Variants in CPXM1 observed in about 807,000 individuals in gnomAD.
CPXM1 encodes carboxypeptidase X, M14 family member 1.
CPXM1 carries 72 observed loss-of-function variants against 80.4 expected under a neutral mutation model. The observed-to-expected ratio is 0.90, with a 90% confidence interval of 0.74 to 1.09. CPXM1 has a LOEUF of 1.09. Among genes scored for constraint, CPXM1 ranks in the 50% least tolerant of loss-of-function variants. The pLI is 0.00. For synonymous variants in CPXM1, 403 were observed against 405.6 expected, an observed-to-expected ratio of 0.99 and a Z score of 0.08; for missense variants, 892 against 999.4, an observed-to-expected ratio of 0.89 and a Z score of 1.45.
In CPXM1 at chr20:2,795,831, G is replaced by C. The variant is rs376564008; in HGVS notation, c.1488C>G (p.Asn496Lys). The C allele has an allele frequency of 5.0e-6, 8 of 1,611,896 alleles. No homozygotes were observed. Among genetic ancestry groups the C allele is most frequent in the African/African-American group, 1.3e-5 (1 of 74,928 alleles). The change falls in exon 11 of 14, where the codon AAC (asparagine) becomes AAG (lysine). Residue 496 changes from asparagine to lysine, a missense_variant. Transcript: ENST00000380605. The surrounding 1 kb of genome is among the most constrained non-coding windows in gnomAD (Gnocchi z 5.4). ...MKRIPFVLSANLHGGELVVSY... is the reference protein window; with the variant it reads ...MKRIPFVLSAKLHGGELVVSY... ...ACACCACGAGCTCACCCCCGTGGAGGTTGGCACTTAGCACAAAGGGGATCC... is the reference window on the plus strand; with the variant it reads ...ACACCACGAGCTCACCCCCGTGGAGCTTGGCACTTAGCACAAAGGGGATCC...
rs1349949621 is a variant in CPXM1, at chr20:2,794,775, G to C, written c.1861-136C>G. 1 of 596,868 alleles carries C rather than the reference G, an allele frequency of 1.7e-6. No homozygotes were observed. Among genetic ancestry groups the C allele is most frequent in the African/African-American group, 2.0e-5 (1 of 50,712 alleles). The allele number at this position is 596,868 out of a possible 1,614,324, so 37.0% of individuals were successfully genotyped here. On this transcript the variant is annotated intron_variant, in intron 12 of 13. Transcript: ENST00000380605. The surrounding 1 kb of genome is among the most constrained non-coding windows in gnomAD (Gnocchi z 5.2). ...TGTGTTCCTAGGTGACACTACTTCT[G>C]GAAGAAAAAAAAAAAAGAAATCCTG... is the stretch of plus-strand genomic sequence containing the variant.
chr20:2,798,777 C>T lies in CPXM1; in HGVS notation c.289G>A (p.Val97Met). 6.2e-7 allele frequency: 1 copy of T among 1,613,876 alleles called. No individual in the cohort carries two copies. The highest frequency in any genetic ancestry group is 8.5e-7 in the Non-Finnish European group (1 of 1,179,982). The change falls in exon 2 of 14, where the codon GTG becomes ATG. Residue 97 changes from valine to methionine, a missense_variant. Physicochemically the swap from Val to Met is conservative, Grantham distance 21. Around this residue, in one of 2 missense-constraint regions of CPXM1, gnomAD observed 874 missense variants for 958.4 expected, o/e 0.91. Transcript: ENST00000380605. ...PTPLVTAGPL[V>M]TPTPAGTLDP... ...AGGGTCCCTGCTGGAGTGGGGGTCA[C>T]AAGGGGCCCGGCAGTCACCAGTGGG...
Position 2,796,793 on chromosome 20 carries a change from G to T in CPXM1, c.922-143C>A. The T allele has an allele frequency of 7.9e-7, 1 of 1,268,496 alleles. No individual in the cohort carries two copies. The highest frequency in any genetic ancestry group is 1.1e-6 in the Non-Finnish European group (1 of 918,470). 78.6% of individuals were successfully genotyped at this position (1,268,496 alleles called of 1,614,324 possible). ...ATCATGGTACAGGAGGGGAGCGGCAGCAGAGCCGGGAGGAAGGGGTAGGAC... is the reference window on the plus strand; with the variant it reads ...ATCATGGTACAGGAGGGGAGCGGCATCAGAGCCGGGAGGAAGGGGTAGGAC... On this transcript the variant is annotated intron_variant, in intron 7 of 13. Coordinates refer to ENST00000380605, the MANE Select transcript of CPXM1 (RefSeq NM_019609.5). This position sits in a 1 kb window ranked among gnomAD's most constrained non-coding sequence, Gnocchi z 6.8.
chr20:2,796,676 T>C lies in CPXM1; in HGVS notation c.922-26A>G, dbSNP rs768875938. The C allele has an allele frequency of 2.5e-6, 4 of 1,612,924 alleles. No homozygotes were observed. The highest frequency in any genetic ancestry group is 1.7e-6 in the Non-Finnish European group (2 of 1,179,294). On this transcript the variant is annotated intron_variant, in intron 7 of 13. Coordinates refer to ENST00000380605, the MANE Select transcript of CPXM1 (RefSeq NM_019609.5). The surrounding 1 kb of genome is among the most constrained non-coding windows in gnomAD (Gnocchi z 6.8). ...CTGGTGGGCAGAGTGTAGCGTGGCA[T>C]GAGGCATGGGAGGGGTACACCCAGG...
chr20:2,795,530 G>T lies in CPXM1; in HGVS notation c.1720+69C>A. On this transcript the variant is annotated intron_variant, in intron 11 of 13. Coordinates refer to ENST00000380605, the MANE Select transcript of CPXM1 (RefSeq NM_019609.5). This position sits in a 1 kb window ranked among gnomAD's most constrained non-coding sequence, Gnocchi z 5.4. ...GTGGGAACAGACGCCAGCACTGTAC[G>T]CAACCGCAGGCTGTCTTATCAGGGC... The T allele has an allele frequency of 6.3e-7, 1 of 1,587,060 alleles. No individual in the cohort carries two copies. The highest frequency in any genetic ancestry group is 8.6e-7 in the Non-Finnish European group (1 of 1,163,350).
Position 2,796,888 on chromosome 20 carries a change from C to T in CPXM1, c.921+118G>A. On this transcript the variant is annotated intron_variant, in intron 7 of 13. Transcript: ENST00000380605. The surrounding 1 kb of genome is among the most constrained non-coding windows in gnomAD (Gnocchi z 6.8). The stretch of plus-strand genomic sequence containing the variant: ...TCCACAGGAGAGAAGGCTGAGACAT[C>T]AGGAGGCAGCAGGGGCATACAAGCG... 2 of 1,054,044 alleles carry T rather than the reference C, an allele frequency of 1.9e-6. No individual in the cohort carries two copies. Among genetic ancestry groups the T allele is most frequent in the Non-Finnish European group, 2.8e-6 (2 of 702,272 alleles). 65.3% of individuals were successfully genotyped at this position (1,054,044 alleles called of 1,614,324 possible). A position where few individuals can be genotyped will look rare whatever the true frequency, so the allele number is the denominator to read the frequency against.
intron 1 of CPXM1, among the ~76,000 whole-genome samples, chr20:2,799,798 C>A (rs964623408): frequency 1.3e-5 from 2 of 152,192 alleles, no homozygotes; most frequent in African/African-American, 2.4e-5. Flanking sequence ...GCAGCCTCAG[C>A]GAGGGGCTCT....
chr20:2,798,446 T>C lies in CPXM1; in HGVS notation c.432A>G (p.Arg144=), dbSNP rs529403651. The C allele has an allele frequency of 6.2e-7, 1 of 1,613,794 alleles. No homozygotes were observed. The highest frequency in any genetic ancestry group is 1.3e-5 in the African/African-American group (1 of 74,952). The change falls in exon 3 of 14, where the codon CGA becomes CGG. Residue 144 remains arginine, a synonymous_variant. Transcript: ENST00000380605. ...TACTGACCTGAATGTTGAGCCGTCC[T>C]CGGTGTGGTCCAAGACCAAAGGACT... ...SSQSFGLGPH[R]GRLNIQSGLE...
chr20:2,795,982 G>A lies in CPXM1; in HGVS notation c.1422C>T (p.Thr474=), dbSNP rs764676972. 23 of 1,605,672 alleles carry A rather than the reference G, an allele frequency of 1.4e-5. No homozygotes were observed. Among genetic ancestry groups the A allele is most frequent in the African/African-American group, 8.0e-5 (6 of 74,840 alleles). ...LPTYYTLPNA[T]VAPETRAVIK... is the part of the protein sequence containing the mutation. ...CCACTGCCGCCCTCAAAATACTCACGGTGGCATTGGGCAGGGTGTAGTAAG... is the reference window on the plus strand; with the variant it reads ...CCACTGCCGCCCTCAAAATACTCACAGTGGCATTGGGCAGGGTGTAGTAAG... The change falls in exon 10 of 14, where the codon ACC becomes ACT. Residue 474 remains threonine, a splice_region_variant and synonymous_variant. Transcript: ENST00000380605. The surrounding 1 kb of genome is among the most constrained non-coding windows in gnomAD (Gnocchi z 5.4).
Position 2,795,339 on chromosome 20 carries a change from C to G in CPXM1, c.1798G>C (p.Glu600Gln). Reference sequence around the variant, plus strand: ...TCCCACTCCTGGGGCAATTCATTCTCGTGAGGGAACTTGTCACAGGACAGC... The same window carrying G: ...TCCCACTCCTGGGGCAATTCATTCTGGTGAGGGAACTTGTCACAGGACAGC... ...VELSCDKFPH[E>Q]NELPQEWENN... The change falls in exon 12 of 14, where the codon GAG becomes CAG. Residue 600 changes from glutamate (E) to glutamine (Q), a missense_variant. By Grantham distance (29) the Glu-to-Gln change is conservative. Transcript: ENST00000380605. This position sits in a 1 kb window ranked among gnomAD's most constrained non-coding sequence, Gnocchi z 5.4. 1.2e-6 allele frequency: 2 copies of G among 1,614,134 alleles called. No individual in the cohort carries two copies. The highest frequency in any genetic ancestry group is 2.2e-5 in the South Asian group (2 of 91,076).
chr20:2,798,109 C>G (rs745564146), intron 4 of CPXM1, 43 bp downstream of exon 4: 1 of 1,613,610 alleles, frequency 6.2e-7, no homozygotes, highest in Non-Finnish European at 8.5e-7. Flanking sequence ...ACTCCCACCC[C>G]AGTCCTTCTG....
At position 2,795,949 on chromosome 20, in the gene CPXM1, A is replaced by G. The variant is rs1177591593; in HGVS notation, c.1422+33T>C. 1 of 1,599,648 alleles carries G rather than the reference A, an allele frequency of 6.3e-7. No homozygotes were observed. Among genetic ancestry groups the G allele is most frequent in the African/African-American group, 1.3e-5 (1 of 74,740 alleles). On this transcript the variant is annotated intron_variant, in intron 10 of 13. Transcript: ENST00000380605. The surrounding 1 kb of genome is among the most constrained non-coding windows in gnomAD (Gnocchi z 5.4). ...GAGACAGAGACAAGGTCCGCCCCCC[A>G]CAGACCTCCACTGCCGCCCTCAAAA...
At chr20:2,797,667 C>T (rs1193086974) in intron 5 of CPXM1, among the ~76,000 whole-genome samples, 2 of 152,174 alleles carry the variant, frequency 1.3e-5, no homozygotes, top group East Asian at 1.9e-4. Flanking sequence ...GTCAGAACCA[C>T]GAGAAGGCAA....
chr20:2,794,161 C>T lies in CPXM1; in HGVS notation c.*29G>A. ...CCCCTTCCCGTCTTGACAGGTCCAG[C>T]CTGCCCTAGGGCTCTTAAACCGCAG... On this transcript the variant is annotated 3_prime_UTR_variant, in exon 14 of 14. Coordinates refer to ENST00000380605, the MANE Select transcript of CPXM1 (RefSeq NM_019609.5). This position sits in a 1 kb window ranked among gnomAD's most constrained non-coding sequence, Gnocchi z 5.2. The T allele has an allele frequency of 6.3e-7, 1 of 1,582,484 alleles. No homozygotes were observed. Among genetic ancestry groups the T allele is most frequent in the South Asian group, 1.2e-5 (1 of 85,994 alleles).
rs754195288 is a variant in CPXM1, at chr20:2,794,310, G to A, written c.2085C>T (p.Pro695=). 11 of 1,614,100 alleles carry A rather than the reference G, an allele frequency of 6.8e-6. No individual in the cohort carries two copies. The highest frequency in any genetic ancestry group is 1.6e-4 in the Middle Eastern group (1 of 6,084). ...GAGTCTTGGTGAGCACGAAATTGCA[G>A]GGGAAGGGGCCCTCTTCAAAGGTGA... ...CRVTFEEGPF[P]CNFVLTKTPK... Residue 695 remains proline, a synonymous_variant, in exon 14 of 14, where the codon CCC becomes CCT. Transcript: ENST00000380605. The surrounding 1 kb of genome is among the most constrained non-coding windows in gnomAD (Gnocchi z 5.2).
rs1053862808 is a variant in CPXM1 at position 2,795,689 on chromosome 20, G to T, written c.1630C>A (p.Gln544Lys). 4 of 1,614,014 alleles carry T rather than the reference G, an allele frequency of 2.5e-6. No individual in the cohort carries two copies. Among genetic ancestry groups the T allele is most frequent in the African/African-American group, 2.7e-5 (2 of 75,054 alleles). Residue 544 changes from glutamine to lysine, a missense_variant, in exon 11 of 14, where the codon CAG (glutamine) becomes AAG (lysine). Gln to Lys is a moderately conservative substitution (Grantham distance 53). This residue lies in a region of CPXM1 where 874 missense variants were observed against 958.4 expected (regional missense o/e 0.91). Transcript: ENST00000380605. This position sits in a 1 kb window ranked among gnomAD's most constrained non-coding sequence, Gnocchi z 5.4. ...TVYAGSNLAM[Q>K]DTSRRPCHSQ... ...TGGCAGGGTCGGCGGCTGGTGTCCT[G>T]CATGGCCAGATTACTGCCAGCATAG...
Position 2,794,090 on chromosome 20 carries a change from T to G in CPXM1, c.*100A>C. On this transcript the variant is annotated 3_prime_UTR_variant, in exon 14 of 14. Coordinates refer to ENST00000380605, the MANE Select transcript of CPXM1 (RefSeq NM_019609.5). The surrounding 1 kb of genome is among the most constrained non-coding windows in gnomAD (Gnocchi z 5.2). ...AAGATGAGCTAAGGTGCCCGGTAGC[T>G]TTAATGAGCACCTTTTCCTCACTTT... 3 of 1,480,584 alleles carry G rather than the reference T, an allele frequency of 2.0e-6. No homozygotes were observed. The African/African-American group carries it at 4.2e-5, about 21-fold the overall frequency. 91.7% of individuals were successfully genotyped at this position (1,480,584 alleles called of 1,614,324 possible).
At position 2,798,245 on chromosome 20, in the gene CPXM1, T is replaced by C; in HGVS notation, c.497A>G (p.Glu166Gly). The C allele has an allele frequency of 6.2e-7, 1 of 1,613,970 alleles. No homozygotes were observed. The highest frequency in any genetic ancestry group is 8.5e-7 in the Non-Finnish European group (1 of 1,180,028). ...GDLYDGAWCA[E>G]EQDADPWFQV... ...AAACCATGGATCGGCGTCCTGCTCC[T>C]CAGCACACCAGGCTCCATCATATAG... The change falls in exon 4 of 14, where the codon GAG (glutamate) becomes GGG (glycine). Residue 166 changes from glutamate to glycine, a missense_variant. Transcript: ENST00000380605.
intron 5 of CPXM1, 121 bp from the exon 6 acceptor site, chr20:2,797,463 A>G: frequency 8.9e-7 from 1 of 1,125,724 alleles, no homozygotes; most frequent in Admixed American, 3.0e-5. Flanking sequence ...TCAGCTAGAG[A>G]CTTGCACTGT....
Sources: gnomAD v4.1 joint callset for allele counts (sites outside exome capture counted in the v4.1 genomes callset) on GRCh38, gnomAD v4.1.1 for gene constraint, gnomAD v4.1.1 regional missense constraint, Gnocchi (gnomAD v3.1) non-coding constraint, MANE v1.5 for transcripts, NCBI Gene and HGNC (gene_info 2026-07-23, HGNC 2026-07-21) for gene names.